PTK2B: variants seen among roughly 807,000 people sequenced by gnomAD.
PTK2B encodes protein tyrosine kinase 2 beta.
Under a neutral mutation model 142.9 loss-of-function variants are expected in PTK2B, and 71 were observed. The ratio of observed to expected loss-of-function variants is 0.50; its 90% CI spans 0.41 to 0.61. The LOEUF (loss-of-function observed/expected upper bound fraction) is 0.61. Ranked by LOEUF, PTK2B falls within the 20% of genes least tolerant of loss-of-function variation. PTK2B has a pLI of 0.00. For synonymous variants in PTK2B, 519 were observed against 503.4 expected (o/e 1.03, Z -0.42); for missense variants, 1,105 against 1,320.4 (o/e 0.84, Z 2.53).
At chr8:27,409,106 T>C (rs1808898948) in intron 2 of PTK2B, among the ~76,000 whole-genome samples, 1 of 152,178 alleles carries the variant, frequency 6.6e-6, no homozygotes, top group Admixed American at 6.5e-5. Context: ...CACCAGTCAT[T>C]TTAGATGACA....
intron 1 of PTK2B, among the ~76,000 whole-genome samples, chr8:27,385,174 T>G (rs1807271439): frequency 6.6e-6 from 1 of 152,190 alleles, no homozygotes; most frequent in African/African-American, 2.4e-5. Flanking sequence ...TAGGATGGAC[T>G]GGGCTCATTG....
In PTK2B at chr8:27,458,871, G is replaced by A. The variant is rs967882695; in HGVS notation, c.*362G>A. The stretch of plus-strand genomic sequence containing the variant: ...TATATGGACATGGCAGGCCGATTTG[G>A]GAACCAAGCTATTCCTTTCCCTTCC... On this transcript the variant is annotated 3_prime_UTR_variant, in exon 31 of 31. Coordinates refer to ENST00000346049, the MANE Select transcript of PTK2B (RefSeq NM_173176.3). 1 of 386,700 alleles carries A rather than the reference G, an allele frequency of 2.6e-6. No individual in the cohort carries two copies. Among genetic ancestry groups the A allele is most frequent in the Non-Finnish European group, 4.8e-6 (1 of 209,502 alleles). 24.0% of individuals were successfully genotyped at this position (386,700 alleles called of 1,614,324 possible).
At chr8:27,414,998 G>C (rs1218311053) in intron 2 of PTK2B, among the ~76,000 whole-genome samples, 3 of 152,200 alleles carry the variant, frequency 2.0e-5, no homozygotes, top group Non-Finnish European at 2.9e-5. Context: ...TGTTTTCCCA[G>C]TCTGGTTTAC....
intron 2 of PTK2B, among the ~76,000 whole-genome samples, chr8:27,408,207 TC>T (rs930784577): frequency 6.6e-6 from 1 of 151,988 alleles, no homozygotes; most frequent in African/African-American, 2.4e-5. Context: ...GAACCTCTTT[TC>T]CCCCACAGAA....
At chr8:27,347,774 G>C (rs1167006425) in intron 1 of PTK2B, among the ~76,000 whole-genome samples, 2 of 152,210 alleles carry the variant, frequency 1.3e-5, no homozygotes, top group African/African-American at 4.8e-5. Flanking sequence ...AATTCAGCCA[G>C]AACATTCTAT....
chr8:27,451,203 A>G (rs757810319), intron 26 of PTK2B, 125 bp downstream of exon 26: 4 of 1,190,646 alleles, frequency 3.4e-6, no homozygotes, highest in East Asian at 2.4e-5. Flanking sequence ...ATGGCTTTCC[A>G]TGTTGGGAGG....
At chr8:27,436,008 T>G (rs1159463179) in intron 14 of PTK2B, among the ~76,000 whole-genome samples, 1 of 152,192 alleles carries the variant, frequency 6.6e-6, no homozygotes, top group African/African-American at 2.4e-5. Flanking sequence ...CCCATGGAGC[T>G]GTGCGGGGAT....
At chr8:27,443,219 C>T (rs1198119888) in intron 22 of PTK2B, among the ~76,000 whole-genome samples, 1 of 152,244 alleles carries the variant, frequency 6.6e-6, no homozygotes, top group Non-Finnish European at 1.5e-5. Context: ...AAAGTGTCCC[C>T]TGAGGGGCTG....
At chr8:27,427,858 C>T (rs1013434257) in intron 5 of PTK2B, among the ~76,000 whole-genome samples, 1 of 152,176 alleles carries the variant, frequency 6.6e-6, no homozygotes, top group Non-Finnish European at 1.5e-5. Flanking sequence ...AGGCCCCCAA[C>T]CTTTTGGGCA....
chr8:27,427,849 G>C (rs2131968000), intron 5 of PTK2B, among the ~76,000 whole-genome samples: 1 of 152,276 alleles, frequency 6.6e-6, no homozygotes, highest in South Asian at 2.1e-4. Context: ...ATACCTCAGA[G>C]GCCCCCAACC....
At chr8:27,387,729 C>G (rs1230735996) in intron 1 of PTK2B, among the ~76,000 whole-genome samples, 1 of 152,094 alleles carries the variant, frequency 6.6e-6, no homozygotes, top group African/African-American at 2.4e-5. Flanking sequence ...ATCATAGTGA[C>G]TAACAGTGAA....
chr8:27,387,156 C>T (rs528831699), intron 1 of PTK2B, among the ~76,000 whole-genome samples: 52 of 152,212 alleles, frequency 3.4e-4, no homozygotes, highest in African/African-American at 1.2e-3. Context: ...TTGGGGGTCA[C>T]TCACTGCTGG....
chr8:27,373,339 C>G (rs549069207), intron 1 of PTK2B, among the ~76,000 whole-genome samples: 23 of 152,326 alleles, frequency 1.5e-4, no homozygotes, highest in African/African-American at 5.3e-4. Flanking sequence ...CTAAAGTGTT[C>G]TCCCTGACCA....
chr8:27,358,937 C>A (rs916437173), intron 1 of PTK2B, among the ~76,000 whole-genome samples: 3 of 152,114 alleles, frequency 2.0e-5, no homozygotes, highest in Middle Eastern at 3.4e-3. Context: ...TCCTCCTTAC[C>A]AAATTGGAAG....
intron 5 of PTK2B, among the ~76,000 whole-genome samples, chr8:27,426,019 C>T (rs1810059954): frequency 1.3e-5 from 2 of 152,300 alleles, no homozygotes; most frequent in South Asian, 4.1e-4. Context: ...AACTTCTCCC[C>T]CTTGATCTGA....
At chr8:27,401,070 T>C (rs1474846557) in intron 2 of PTK2B, among the ~76,000 whole-genome samples, 1 of 152,068 alleles carries the variant, frequency 6.6e-6, no homozygotes, top group Non-Finnish European at 1.5e-5. Context: ...ACCTGGAAGG[T>C]GGAGGTTGCA....
chr8:27,437,303 G>GC, intron 16 of PTK2B, 93 bp from the exon 17 acceptor site: 1 of 1,547,432 alleles, frequency 6.5e-7, no homozygotes, highest in African/African-American at 1.4e-5. Flanking sequence ...TTGGAGGAGG[G>GC]GTTCCCGTCC....
At chr8:27,445,032 G>A (rs1586344972) in intron 23 of PTK2B, among the ~76,000 whole-genome samples, 1 of 152,018 alleles carries the variant, frequency 6.6e-6, no homozygotes, top group East Asian at 1.9e-4. Flanking sequence ...TTCAGAAGAT[G>A]GAAAAATCGT....
At chr8:27,387,339 T>G (rs1025427592) in intron 1 of PTK2B, among the ~76,000 whole-genome samples, 1 of 152,124 alleles carries the variant, frequency 6.6e-6, no homozygotes, top group African/African-American at 2.4e-5. Context: ...GTAGCAAGGG[T>G]GCAAATGCTA....
Sources: allele counts gnomAD v4.1 joint callset (sites outside exome capture counted in the v4.1 genomes callset), GRCh38; gene constraint gnomAD v4.1.1; transcripts MANE v1.5; gene names NCBI Gene and HGNC (gene_info 2026-07-23, HGNC 2026-07-21).